The following SCEL variants were observed in gnomAD, a reference collection of about 807,000 sequenced individuals.
The protein encoded by SCEL is sciellin.
A neutral mutation model predicts 117.6 loss-of-function variants in SCEL; 113 were observed. The observed-to-expected ratio is 0.96, with a 90% CI of 0.83 to 1.12. The LOEUF is 1.12. Ranked by LOEUF, SCEL falls within the 50% of genes most tolerant of loss-of-function variation. SCEL has a pLI of 0.00. For synonymous variants in SCEL, 270 were observed against 256.2 expected (o/e 1.05, Z -0.51); for missense variants, 785 against 810.8 (o/e 0.97, Z 0.39).
intron 3 of SCEL, among the ~76,000 whole-genome samples, chr13:77,557,295 A>C (rs2084719109): frequency 6.6e-6 from 1 of 152,248 alleles, no homozygotes; most frequent in African/African-American, 2.4e-5. Flanking sequence ...TAAAGATTTG[A>C]AAACTATGGC....
intron 3 of SCEL, among the ~76,000 whole-genome samples, chr13:77,558,740 G>A (rs1185324481): frequency 2.7e-5 from 4 of 148,556 alleles, no homozygotes; most frequent in African/African-American, 2.5e-5. Flanking sequence ...TGCTTGAACC[G>A]AGGAGGCAGA....
intron 9 of SCEL, among the ~76,000 whole-genome samples, chr13:77,575,140 T>C (rs1332512991): frequency 6.6e-6 from 1 of 152,218 alleles, no homozygotes. Context: ...TGTCCCTTTC[T>C]TAATTTATAC....
At chr13:77,614,229 C>T (rs1270306106) in intron 24 of SCEL, among the ~76,000 whole-genome samples, 1 of 152,066 alleles carries the variant, frequency 6.6e-6, no homozygotes, top group Admixed American at 6.6e-5. Context: ...AGTCTAGGAG[C>T]TGCTGCTGTT....
intron 1 of SCEL, among the ~76,000 whole-genome samples, chr13:77,547,184 A>G (rs1378843780): frequency 6.6e-6 from 1 of 152,042 alleles, no homozygotes; most frequent in African/African-American, 2.4e-5. Flanking sequence ...AACATACCAC[A>G]CCCAGCCCCC....
chr13:77,613,557 T>C (rs909431015), intron 23 of SCEL, among the ~76,000 whole-genome samples: 5 of 151,996 alleles, frequency 3.3e-5, no homozygotes, highest in African/African-American at 1.2e-4. Flanking sequence ...AGGGAGGGTG[T>C]TGGGGAAAGG....
chr13:77,559,631 C>T (rs1167121772), intron 3 of SCEL, among the ~76,000 whole-genome samples, 173 bp from the exon 4 acceptor site: 1 of 152,220 alleles, frequency 6.6e-6, no homozygotes, highest in Non-Finnish European at 1.5e-5. Context: ...TTCTCATGCT[C>T]TTTCAAGTGG....
chr13:77,608,001 C>T, intron 19 of SCEL, 55 bp from the exon 20 acceptor site: 1 of 1,328,334 alleles, frequency 7.5e-7, no homozygotes, highest in Non-Finnish European at 1.1e-6. Flanking sequence ...TTCTTGTTGT[C>T]AGTCTACCAT....
intron 32 of SCEL, 105 bp downstream of exon 32, chr13:77,642,913 T>C: frequency 1.8e-6 from 1 of 563,708 alleles, no homozygotes; most frequent in Non-Finnish European, 3.0e-6. Context: ...TTACTAGTTA[T>C]ATTTAGTTAA....
At position 77,644,424 on chromosome 13, in the gene SCEL, A is replaced by T; in HGVS notation, c.*150A>T. On this transcript the variant is annotated 3_prime_UTR_variant, in exon 33 of 33. Coordinates refer to ENST00000349847, the MANE Select transcript of SCEL (RefSeq NM_144777.3). ...AATTCTGTTATTGCATAAGTAATCT[A>T]ATTGTCTTCAATAAGGTCACACACA... 2.8e-6 allele frequency: 2 copies of T among 724,880 alleles called. No individual in the cohort carries two copies. Among genetic ancestry groups the T allele is most frequent in the Non-Finnish European group, 4.5e-6 (2 of 441,250 alleles). The allele number at this position is 724,880 out of a possible 1,614,324, so 44.9% of individuals were successfully genotyped here.
intron 12 of SCEL, among the ~76,000 whole-genome samples, chr13:77,597,273 G>A (rs969084617): frequency 2.0e-5 from 3 of 151,900 alleles, no homozygotes; most frequent in African/African-American, 7.3e-5. Flanking sequence ...ATAACTCAAA[G>A]TATAGTCACA....
At chr13:77,610,453 A>C (rs1036958412) in intron 22 of SCEL, among the ~76,000 whole-genome samples, 237 of 149,710 alleles carry the variant, frequency 1.6e-3, no homozygotes, top group Non-Finnish European at 2.6e-3. Context: ...CTCCGTCAAA[A>C]AAAAAAAAAA....
intron 1 of SCEL, among the ~76,000 whole-genome samples, chr13:77,543,081 G>GTT (rs1659512724): frequency 7.5e-6 from 1 of 133,660 alleles, no homozygotes; most frequent in African/African-American, 3.0e-5. Flanking sequence ...TTCTACTTTA[G>GTT]CTTTTTTTTT....
chr13:77,644,185 AAT>A, intron 32 of SCEL, 71 bp from the exon 33 acceptor site: 1 of 1,515,546 alleles, frequency 6.6e-7, no homozygotes, highest in Admixed American at 1.7e-5. Flanking sequence ...TTGGGTGAAT[AAT>A]AGTCTGTAAA....
chr13:77,638,241 C>G (rs1285633193), intron 30 of SCEL, among the ~76,000 whole-genome samples: 2 of 152,090 alleles, frequency 1.3e-5, no homozygotes, highest in Non-Finnish European at 2.9e-5. Flanking sequence ...AATTATATCC[C>G]TTTCTTGTCA....
intron 6 of SCEL, 116 bp from the exon 7 acceptor site, chr13:77,568,179 A>C: frequency 6.1e-6 from 4 of 658,920 alleles, no homozygotes; most frequent in Non-Finnish European, 1.1e-5. Context: ...GATGCTTTCT[A>C]TTTCTTTCTC....
rs769294817 is a variant in SCEL at position 77,634,445 on chromosome 13, G to A, written c.1758G>A (p.Glu586=). 1.2e-5 allele frequency: 20 copies of A among 1,608,900 alleles called. No homozygotes were observed. Among genetic ancestry groups the A allele is most frequent in the Middle Eastern group, 1.7e-4 (1 of 6,044 alleles). The change falls in exon 29 of 33, where the codon GAG becomes GAA. Residue 586 remains glutamate (E), a synonymous_variant. Transcript: ENST00000349847. ...DTVVYTRTYV[E]NSKSPKDGYQ... ...TTGTGTACACAAGGACATATGTGGA[G>A]AATAGGTATTCAAAATTTATTTCAA...
At chr13:77,558,120 A>T (rs1567347272) in intron 3 of SCEL, among the ~76,000 whole-genome samples, 1 of 152,196 alleles carries the variant, frequency 6.6e-6, no homozygotes, top group Non-Finnish European at 1.5e-5. Context: ...TGTAGACCAT[A>T]CATTTTGGAT....
intron 15 of SCEL, 67 bp downstream of exon 15, chr13:77,599,815 C>T: frequency 2.6e-6 from 3 of 1,134,984 alleles, no homozygotes; most frequent in Admixed American, 1.7e-5. Context: ...CTGGAGGAGA[C>T]CTCCTGCTTA....
intron 30 of SCEL, among the ~76,000 whole-genome samples, chr13:77,639,007 T>A (rs1228593021): frequency 6.6e-6 from 1 of 152,146 alleles, no homozygotes; most frequent in Admixed American, 6.5e-5. Flanking sequence ...TTCTCCTCAG[T>A]CTGTCCACGT....
Sources: allele counts gnomAD v4.1 joint callset (sites outside exome capture counted in the v4.1 genomes callset), GRCh38; gene constraint gnomAD v4.1.1; transcripts MANE v1.5; gene names NCBI Gene and HGNC (gene_info 2026-07-23, HGNC 2026-07-21).